AXDND1: variants seen among roughly 807,000 people sequenced by gnomAD.
AXDND1 encodes axonemal dynein light chain domain containing 1.
Under a neutral mutation model 137.5 loss-of-function variants are expected in AXDND1, and 110 were observed. The ratio of observed to expected loss-of-function variants is 0.80; its 90% CI spans 0.69 to 0.94. AXDND1 has a LOEUF of 0.94. Ranked by LOEUF, AXDND1 falls within the 40% of genes least tolerant of loss-of-function variation. AXDND1 has a pLI of 0.00. For missense variants in AXDND1, 1,191 were observed against 1,169.8 expected (o/e 1.02, Z -0.26); for synonymous variants, 414 against 399.7 (o/e 1.04, Z -0.43).
At chr1:179,510,449 C>CT (rs5779030) in intron 21 of AXDND1, among the ~76,000 whole-genome samples, 132,776 of 151,362 alleles carry the variant, frequency 0.88, 58,400 homozygotes, top group East Asian at 0.96. Context: ...ATTTATGAAA[C>CT]TTTTTTTTTA....
At chr1:179,466,140 A>G (rs567395673) in intron 16 of AXDND1, among the ~76,000 whole-genome samples, 1 of 152,286 alleles carries the variant, frequency 6.6e-6, no homozygotes, top group Admixed American at 6.5e-5. Context: ...GACGAGCCCC[A>G]GTGAGATGAA....
In AXDND1 at chr1:179,383,472, G is replaced by A; in HGVS notation, c.669G>A (p.Gln223=). Reference sequence around the variant, plus strand: ...CTAATAAAAGAGTAGAAGTGGCCCAGCTGAATGATGTGATGGATACTATGC... The same window carrying A: ...CTAATAAAAGAGTAGAAGTGGCCCAACTGAATGATGTGATGGATACTATGC... The part of the protein sequence containing the change: ...MKPNKRVEVA[Q]LNDVMDTMLE... Residue 223 remains glutamine (Q), a synonymous_variant, in exon 8 of 26, where the codon CAG becomes CAA. Coordinates refer to ENST00000367618, the MANE Select transcript of AXDND1 (RefSeq NM_144696.6). 6.2e-7 allele frequency: 1 copy of A among 1,613,964 alleles called. No homozygotes were observed. Among genetic ancestry groups the A allele is most frequent in the Non-Finnish European group, 8.5e-7 (1 of 1,179,888 alleles).
At chr1:179,507,390 T>C (rs903690492) in intron 20 of AXDND1, among the ~76,000 whole-genome samples, 1 of 152,204 alleles carries the variant, frequency 6.6e-6, no homozygotes, top group Non-Finnish European at 1.5e-5. Context: ...CAGACATTTA[T>C]AAGAAAATGA....
At chr1:179,455,144 A>C (rs1206752332) in intron 16 of AXDND1, 2 of 151,132 alleles carry the variant, frequency 1.3e-5, no homozygotes, top group African/African-American at 4.9e-5. Flanking sequence ...TCATGGTGGC[A>C]CATGCCTGTA....
chr1:179,531,378 A>G (rs1671024761), intron 23 of AXDND1, among the ~76,000 whole-genome samples: 1 of 152,200 alleles, frequency 6.6e-6, no homozygotes, highest in Non-Finnish European at 1.5e-5. Context: ...GTGGCCTTTC[A>G]TTAGTTTTAC....
chr1:179,450,939 A>G (rs1478617426), intron 16 of AXDND1: 1 of 152,214 alleles, frequency 6.6e-6, no homozygotes, highest in African/African-American at 2.4e-5. Flanking sequence ...AACGTAACCT[A>G]CTTGATCATG....
At chr1:179,394,571 C>T (rs186217086) in intron 10 of AXDND1, among the ~76,000 whole-genome samples, 41 of 80,924 alleles carry the variant, frequency 5.1e-4, no homozygotes, top group African/African-American at 1.5e-3. Context: ...GCCTGGGTGA[C>T]GGAGCGAGAC....
intron 11 of AXDND1, among the ~76,000 whole-genome samples, chr1:179,395,422 T>G (rs1650900049): frequency 6.6e-6 from 1 of 152,166 alleles, no homozygotes; most frequent in African/African-American, 2.4e-5. Flanking sequence ...CATTAATCAT[T>G]TTCATTGAGT....
chr1:179,538,694 G>A (rs1671789958), intron 25 of AXDND1, among the ~76,000 whole-genome samples: 1 of 152,178 alleles, frequency 6.6e-6, no homozygotes, highest in African/African-American at 2.4e-5. Context: ...GAATTCTGTA[G>A]GTGTCTATTA....
chr1:179,446,586 T>C (rs901236510), intron 16 of AXDND1, among the ~76,000 whole-genome samples: 3 of 152,216 alleles, frequency 2.0e-5, no homozygotes, highest in Admixed American at 2.0e-4. Context: ...CATATCATAC[T>C]TCTTTTTAAA....
Position 179,383,470 on chromosome 1 carries a change from C to G in AXDND1, c.667C>G (p.Gln223Glu). ...MKPNKRVEVA[Q>E]LNDVMDTMLE... Reference sequence around the variant, plus strand: ...ACCTAATAAAAGAGTAGAAGTGGCCCAGCTGAATGATGTGATGGATACTAT... The same window carrying G: ...ACCTAATAAAAGAGTAGAAGTGGCCGAGCTGAATGATGTGATGGATACTAT... Residue 223 changes from glutamine to glutamate, a missense_variant, in exon 8 of 26, where the codon CAG becomes GAG. Coordinates refer to ENST00000367618, the MANE Select transcript of AXDND1 (RefSeq NM_144696.6). The G allele has an allele frequency of 6.2e-7, 1 of 1,613,740 alleles. No homozygotes were observed. Among genetic ancestry groups the G allele is most frequent in the South Asian group, 1.1e-5 (1 of 91,048 alleles).
chr1:179,478,304 C>T lies in AXDND1; in HGVS notation c.1998-4824C>T, dbSNP rs537859122. On this transcript the variant is annotated intron_variant, in intron 17 of 25. Coordinates refer to ENST00000367618, the MANE Select transcript of AXDND1 (RefSeq NM_144696.6). ...TTCCCTTCTGCACTGCCCTAGCAGA[C>T]GTTCTCCATTAGCACCCCACTCCTG... Among the ~76,000 whole-genome samples, 3 of 152,348 alleles carry T rather than the reference C, an allele frequency of 2.0e-5. No homozygotes were observed. The South Asian group carries it at 6.2e-4, about 32-fold the overall frequency.
At chr1:179,552,327 A>T in intron 25 of AXDND1, 1 of 513,890 alleles carries the variant, frequency 1.9e-6, no homozygotes, top group Non-Finnish European at 3.5e-6. Context: ...AGAGGGATTG[A>T]TGTGTGTGGA....
intron 6 of AXDND1, among the ~76,000 whole-genome samples, chr1:179,382,472 A>G (rs1024579666): frequency 6.6e-6 from 1 of 152,148 alleles, no homozygotes; most frequent in Non-Finnish European, 1.5e-5. Context: ...CCATGTCCCG[A>G]TGATTATTTG....
At chr1:179,402,124 A>G (rs1359578634) in intron 11 of AXDND1, among the ~76,000 whole-genome samples, 1 of 149,028 alleles carries the variant, frequency 6.7e-6, no homozygotes, top group Non-Finnish European at 1.5e-5. Context: ...GTGAGCCGAC[A>G]TCATGCACTC....
intron 20 of AXDND1, chr1:179,506,732 A>AAAAAC (rs1668574764): frequency 2.3e-6 from 1 of 432,020 alleles, no homozygotes; most frequent in East Asian, 1.6e-4. Context: ...TCTGTGTCAA[A>AAAAAC]AAAACAAAAC....
chr1:179,503,987 CT>C (rs1338342738), intron 20 of AXDND1, among the ~76,000 whole-genome samples: 1 of 152,058 alleles, frequency 6.6e-6, no homozygotes, highest in Non-Finnish European at 1.5e-5. Flanking sequence ...GAAAATAAAT[CT>C]TATGTATTAA....
intron 8 of AXDND1, among the ~76,000 whole-genome samples, chr1:179,384,956 G>T (rs1648966385): frequency 6.6e-6 from 1 of 152,018 alleles, no homozygotes; most frequent in Admixed American, 6.6e-5. Flanking sequence ...TACAGACAGG[G>T]TCTCACCATA....
chr1:179,395,159 A>G lies in AXDND1; in HGVS notation c.1066A>G (p.Lys356Glu). Residue 356 changes from lysine (K) to glutamate (E), a missense_variant, in exon 11 of 26, where the codon AAG becomes GAG. Transcript: ENST00000367618. Reference sequence around the variant, plus strand: ...AACAAAGGAAACAGAAAAAGCCCACAAGGATTTGGCACAAGCTCTTTTAAA... The same window carrying G: ...AACAAAGGAAACAGAAAAAGCCCACGAGGATTTGGCACAAGCTCTTTTAAA... ...KLTKETEKAH[K>E]DLAQALLNAE... 6.2e-7 allele frequency: 1 copy of G among 1,613,648 alleles called. No individual in the cohort carries two copies. The highest frequency in any genetic ancestry group is 8.5e-7 in the Non-Finnish European group (1 of 1,179,780).
Sources: gnomAD v4.1 joint callset for allele counts (sites outside exome capture counted in the v4.1 genomes callset) on GRCh38, gnomAD v4.1.1 for gene constraint, MANE v1.5 for transcripts, NCBI Gene and HGNC (gene_info 2026-07-23, HGNC 2026-07-21) for gene names.